Variants in ISCA1 observed in about 807,000 individuals in gnomAD.
ISCA1 encodes iron-sulfur cluster assembly 1.
Under a neutral mutation model 14.7 loss-of-function variants are expected in ISCA1, and 9 were observed. The ratio of observed to expected loss-of-function variants is 0.61; its 90% CI spans 0.37 to 1.07. ISCA1 has a LOEUF of 1.07. ISCA1 is among the 50% of genes least tolerant of loss of function. The pLI is 0.01. For missense variants in ISCA1, 102 were observed against 150.1 expected (o/e 0.68, Z 1.67); for synonymous variants, 38 against 54.3 (o/e 0.70, Z 1.32).
At chr9:86,268,128 C>T (rs763071333) in intron 3 of ISCA1, among the ~76,000 whole-genome samples, 1 of 151,456 alleles carries the variant, frequency 6.6e-6, no homozygotes, top group Non-Finnish European at 1.5e-5. Context: ...AAAAGTTAAC[C>T]GTGAAACAGC....
chr9:86,274,322 T>G, intron 1 of ISCA1, 80 bp from the exon 2 acceptor site: 1 of 913,164 alleles, frequency 1.1e-6, no homozygotes, highest in Non-Finnish European at 1.8e-6. Context: ...TAAGTCTGTC[T>G]TTAGCAAATT....
At chr9:86,278,856 G>T (rs902696531) in intron 1 of ISCA1, among the ~76,000 whole-genome samples, 1 of 152,018 alleles carries the variant, frequency 6.6e-6, no homozygotes, top group Non-Finnish European at 1.5e-5. Flanking sequence ...TGTGATTTAG[G>T]TATTAAAGAT....
chr9:86,278,239 T>C (rs533114670), intron 1 of ISCA1, among the ~76,000 whole-genome samples: 60 of 152,194 alleles, frequency 3.9e-4, no homozygotes, highest in African/African-American at 1.4e-3. Flanking sequence ...GTGTATTTTA[T>C]TAAAATCATT....
At chr9:86,281,353 TAG>T (rs961082272) in intron 1 of ISCA1, among the ~76,000 whole-genome samples, 3 of 152,248 alleles carry the variant, frequency 2.0e-5, no homozygotes, top group African/African-American at 7.2e-5. Flanking sequence ...TTTCTGGTAA[TAG>T]GCCCTTTTGG....
chr9:86,273,666 C>T (rs1414848062), intron 2 of ISCA1, among the ~76,000 whole-genome samples: 1 of 152,076 alleles, frequency 6.6e-6, no homozygotes, highest in African/African-American at 2.4e-5. Context: ...CAGTGGTTGC[C>T]CTCAGGGAGA....
rs1438089259 is a variant in ISCA1, at chr9:86,264,806, A to C, written c.*1237T>G. Reference sequence around the variant, plus strand: ...AAGCATATATATCATCTCATAGAATACTTATGTCAAACCCAGGAAAATCAG... The same window carrying C: ...AAGCATATATATCATCTCATAGAATCCTTATGTCAAACCCAGGAAAATCAG... On this transcript the variant is annotated 3_prime_UTR_variant, in exon 4 of 4. Coordinates refer to ENST00000375991, the MANE Select transcript of ISCA1 (RefSeq NM_030940.4). The C allele has an allele frequency of 6.6e-6, 1 of 152,228 alleles. No individual in the cohort carries two copies. The highest frequency in any genetic ancestry group is 1.5e-5 in the Non-Finnish European group (1 of 68,036). The allele number at this position is 152,228 out of a possible 1,614,324, so 9.4% of individuals were successfully genotyped here. A position where few individuals can be genotyped will look rare whatever the true frequency, so the allele number is the denominator to read the frequency against.
chr9:86,269,872 G>A (rs897172472), intron 3 of ISCA1, among the ~76,000 whole-genome samples: 47 of 152,192 alleles, frequency 3.1e-4, no homozygotes, highest in Non-Finnish European at 6.3e-4. Context: ...ATGGTGCTGG[G>A]AAAACTGGCT....
chr9:86,273,327 C>A (rs891494935), intron 2 of ISCA1, among the ~76,000 whole-genome samples: 1 of 152,174 alleles, frequency 6.6e-6, no homozygotes, highest in East Asian at 1.9e-4. Flanking sequence ...CTCAACAATT[C>A]TGTATCTAGG....
intron 3 of ISCA1, among the ~76,000 whole-genome samples, chr9:86,269,515 C>T (rs1200235261): frequency 6.6e-6 from 1 of 151,778 alleles, no homozygotes; most frequent in East Asian, 1.9e-4. Context: ...GCCATACTGC[C>T]CAAGGTAATT....
intron 3 of ISCA1, among the ~76,000 whole-genome samples, chr9:86,271,000 A>T (rs564247174): frequency 1.0e-3 from 152 of 149,044 alleles, no homozygotes; most frequent in African/African-American, 3.7e-3. Context: ...CTAAATGATG[A>T]GTTAATGGGT....
At chr9:86,267,004 T>C (rs1240880283) in intron 3 of ISCA1, 2 of 152,198 alleles carry the variant, frequency 1.3e-5, no homozygotes, top group Admixed American at 1.3e-4. Flanking sequence ...AGCCAACAAA[T>C]ACAATCAATT....
At chr9:86,269,026 C>A (rs1327677012) in intron 3 of ISCA1, among the ~76,000 whole-genome samples, 3 of 152,078 alleles carry the variant, frequency 2.0e-5, no homozygotes, top group African/African-American at 7.2e-5. Flanking sequence ...GAACTCCTGA[C>A]CTCATGATCC....
chr9:86,273,645 C>T (rs948401184), intron 2 of ISCA1, among the ~76,000 whole-genome samples: 5 of 152,032 alleles, frequency 3.3e-5, no homozygotes, highest in Admixed American at 1.3e-4. Context: ...AATAACAAGC[C>T]CAGTCTAGGC....
chr9:86,282,155 T>G, intron 1 of ISCA1: 1 of 562,754 alleles, frequency 1.8e-6, no homozygotes. Flanking sequence ...ACGGGAAACG[T>G]AGTTTCCGGG....
chr9:86,279,444 A>G (rs868076504), intron 1 of ISCA1, among the ~76,000 whole-genome samples: 16 of 152,232 alleles, frequency 1.1e-4, no homozygotes, highest in African/African-American at 3.9e-4. Flanking sequence ...TATGTAGGGA[A>G]ATAGGGAAGA....
intron 3 of ISCA1, 47 bp downstream of exon 3, chr9:86,271,960 A>G (rs1184418628): frequency 9.5e-7 from 1 of 1,050,970 alleles, no homozygotes; most frequent in Non-Finnish European, 1.5e-6. Context: ...AAGGCTAATA[A>G]TTTTAGGCAA....
chr9:86,273,779 G>T (rs561327019), intron 2 of ISCA1, among the ~76,000 whole-genome samples: 2 of 152,152 alleles, frequency 1.3e-5, no homozygotes, highest in African/African-American at 4.8e-5. Context: ...CGTATCGGTG[G>T]GTTCCACATA....
intron 1 of ISCA1, among the ~76,000 whole-genome samples, chr9:86,280,077 A>G (rs1825491251): frequency 6.6e-6 from 1 of 152,238 alleles, no homozygotes; most frequent in South Asian, 2.1e-4. Context: ...CTATGATAAC[A>G]TGTACTGAAG....
intron 3 of ISCA1, among the ~76,000 whole-genome samples, chr9:86,268,463 C>G (rs765795753): frequency 2.0e-5 from 3 of 150,374 alleles, no homozygotes; most frequent in Non-Finnish European, 3.0e-5. Context: ...AAAAAAAACC[C>G]CAAAGCTTAC....
Sources: allele counts gnomAD v4.1 joint callset (sites outside exome capture counted in the v4.1 genomes callset), GRCh38; gene constraint gnomAD v4.1.1; transcripts MANE v1.5; gene names NCBI Gene and HGNC (gene_info 2026-07-23, HGNC 2026-07-21).